The following FGD1 variants were observed in gnomAD, a reference collection of about 807,000 sequenced individuals.
FGD1 encodes the protein FYVE, RhoGEF and PH domain-containing protein 1.
In FGD1, 12 loss-of-function variants were observed where a neutral mutation model predicts 65.0. The ratio of observed to expected loss-of-function variants is 0.18; its 90% CI spans 0.12 to 0.30. The LOEUF is 0.30. Ranked by LOEUF, FGD1 falls within the 10% of genes least tolerant of loss-of-function variation. FGD1 has a pLI of 1.00. For synonymous variants in FGD1, 333 were observed against 343.9 expected (o/e 0.97, Z 0.35); for missense variants, 542 against 837.6 (o/e 0.65, Z 4.36).
intron 17 of FGD1, among the ~76,000 whole-genome samples, chrX:54,446,950 C>T (rs1289829089): frequency 2.7e-5 from 3 of 110,671 alleles, no homozygotes; most frequent in African/African-American, 9.9e-5. Flanking sequence ...TCTTGAACTC[C>T]TGATCTCAGG....
chrX:54,494,402 C>CTTTTTT (rs56235590), intron 1 of FGD1, among the ~76,000 whole-genome samples: 5 of 60,726 alleles, frequency 8.2e-5, no homozygotes, highest in African/African-American at 2.2e-4. Flanking sequence ...CACCGTCTTT[C>CTTTTTT]TTTTTTTTTT....
chrX:54,477,987 A>G (rs1923057240), intron 1 of FGD1, among the ~76,000 whole-genome samples: 1 of 108,874 alleles, frequency 9.2e-6, no homozygotes, highest in Admixed American at 9.8e-5. Flanking sequence ...GCATGGTGGC[A>G]GGCGCCTGTA....
At chrX:54,455,086 T>C (rs1182946297) in intron 12 of FGD1, among the ~76,000 whole-genome samples, 1 of 112,896 alleles carries the variant, frequency 8.9e-6, no homozygotes, top group African/African-American at 3.2e-5. Context: ...CTTAGATCTG[T>C]GAATCTACAA....
chrX:54,450,368 A>C, intron 12 of FGD1, 67 bp from the exon 13 acceptor site: 1 of 1,067,805 alleles, frequency 9.4e-7, no homozygotes, highest in Non-Finnish European at 1.3e-6. Flanking sequence ...ATAGGAGTGG[A>C]AGAGCAGGTG....
At position 54,470,770 on chromosome X, in the gene FGD1, C is replaced by T. The variant is rs146783766; in HGVS notation, c.482-10G>A. 7.1e-4 allele frequency: 735 copies of T among 1,042,493 alleles called. 12 individuals are homozygous for T. In the East Asian group the frequency reaches 0.019, roughly 27 times the overall value. 85.9% of individuals were successfully genotyped at this position (1,042,493 alleles called of 1,213,427 possible). On this transcript the variant is annotated splice_polypyrimidine_tract_variant and intron_variant, in intron 2 of 17. Transcript: ENST00000375135. The stretch of plus-strand genomic sequence containing the variant: ...CTGGGCTTTGGGGGCACTGGAGAGA[C>T]GAATGGGGAAGAGAGAAGGGAGACA...
At chrX:54,484,609 A>G (rs1923230339) in intron 1 of FGD1, among the ~76,000 whole-genome samples, 1 of 105,977 alleles carries the variant, frequency 9.4e-6, no homozygotes, top group Admixed American at 1.0e-4. Context: ...ACAGTGAACC[A>G]ATAGCAGAGC....
intron 8 of FGD1, among the ~76,000 whole-genome samples, chrX:54,461,824 T>C (rs1429592833): frequency 9.2e-6 from 1 of 108,393 alleles, no homozygotes; most frequent in Non-Finnish European, 1.9e-5. Context: ...TCTTTTAAGT[T>C]CAGGCTGAAA....
intron 1 of FGD1, among the ~76,000 whole-genome samples, chrX:54,482,236 G>GCGCGCGCGCACACACACACA (rs796491256): frequency 1.0e-5 from 1 of 99,367 alleles, no homozygotes; most frequent in African/African-American, 3.9e-5. Flanking sequence ...GCACACGCGC[G>GCGCGCGCGCACACACACACA]CACACACACA....
intron 1 of FGD1, among the ~76,000 whole-genome samples, chrX:54,486,725 A>T (rs998293440): frequency 1.9e-5 from 2 of 102,867 alleles, no homozygotes; most frequent in African/African-American, 7.0e-5. Context: ...ATGGTGGCTC[A>T]TGCTTGTAAT....
rs1433386330 is a variant in FGD1, at chrX:54,446,334, C to T, written c.2661G>A (p.Arg887=). 2.5e-6 allele frequency: 3 copies of T among 1,211,186 alleles called. No homozygotes were observed. The highest frequency in any genetic ancestry group is 1.8e-5 in the South Asian group (1 of 56,701). The change falls in exon 18 of 18, where the codon AGG becomes AGA. Residue 887 remains arginine (R), a synonymous_variant. Coordinates refer to ENST00000375135, the MANE Select transcript of FGD1 (RefSeq NM_004463.3). The stretch of plus-strand genomic sequence containing the variant: ...GGCTCTGGGTGATCTTGAAGACATG[C>T]CTTCTGTCAGGCCGCTCCCCTGCCT... The part of the protein sequence containing the change: ...PPEAGERPDR[R]HVFKITQSHL...
At chrX:54,447,505 T>C (rs1443033021) in intron 16 of FGD1, 51 bp from the exon 17 acceptor site, 1 of 1,158,787 alleles carries the variant, frequency 8.6e-7, no homozygotes, top group Non-Finnish European at 1.2e-6. Flanking sequence ...CTAGCCTGGC[T>C]CCTCCTAGCT....
chrX:54,448,657 C>T, intron 16 of FGD1, 149 bp downstream of exon 16: 1 of 506,981 alleles, frequency 2.0e-6, no homozygotes, highest in Non-Finnish European at 3.3e-6. Flanking sequence ...GACTGTCTTT[C>T]ATTCACTCTT....
At position 54,495,327 on chromosome X, in the gene FGD1, C is replaced by T. The variant is rs762821012; in HGVS notation, c.106G>A (p.Gly36Arg). Reference protein sequence around the residue: ...APPACADSDPGASEPGLLARR... With the variant: ...APPACADSDPRASEPGLLARR... ...GCCAGCAGTCCGGGTTCCGAGGCTC[C>T]AGGGTCCGAGTCGGCACAGGCCGGC... Residue 36 changes from glycine (G) to arginine (R), a missense_variant, in exon 1 of 18, where the codon GGA (glycine) becomes AGA (arginine). Transcript: ENST00000375135. 11 of 1,166,088 alleles carry T rather than the reference C, an allele frequency of 9.4e-6. No individual in the cohort carries two copies. The highest frequency in any genetic ancestry group is 1.1e-5 in the Non-Finnish European group (10 of 875,387).
At chrX:54,493,427 T>C (rs1923458173) in intron 1 of FGD1, among the ~76,000 whole-genome samples, 1 of 111,496 alleles carries the variant, frequency 9.0e-6, no homozygotes, top group South Asian at 3.7e-4. Context: ...TAATTTCAGA[T>C]TGTACTAAGT....
At chrX:54,460,153 A>G (rs776689247) in intron 8 of FGD1, among the ~76,000 whole-genome samples, 1 of 110,237 alleles carries the variant, frequency 9.1e-6, no homozygotes, top group African/African-American at 3.3e-5. Context: ...TAATAAAAAA[A>G]AATAAAAGGC....
intron 8 of FGD1, among the ~76,000 whole-genome samples, chrX:54,459,309 G>A (rs1367753972): frequency 9.0e-6 from 1 of 111,659 alleles, no homozygotes; most frequent in East Asian, 2.8e-4. Flanking sequence ...TCAGTGTGGG[G>A]ATTTCAGTCT....
intron 8 of FGD1, among the ~76,000 whole-genome samples, chrX:54,457,800 G>A (rs768526469): frequency 9.5e-6 from 1 of 105,688 alleles, no homozygotes; most frequent in Admixed American, 1.0e-4. Context: ...TTCCTATAGT[G>A]ACCAGGTATC....
chrX:54,479,895 G>GC (rs1923106351), intron 1 of FGD1, among the ~76,000 whole-genome samples: 1 of 111,613 alleles, frequency 9.0e-6, no homozygotes, highest in African/African-American at 3.3e-5. Flanking sequence ...CACCCAGGCT[G>GC]CCTGACCTGG....
At chrX:54,493,577 G>C (rs1445435793) in intron 1 of FGD1, among the ~76,000 whole-genome samples, 2 of 111,931 alleles carry the variant, frequency 1.8e-5, no homozygotes, top group Non-Finnish European at 3.8e-5. Flanking sequence ...TGGAGGGCTA[G>C]GGGAAGAGCT....
Sources: allele counts gnomAD v4.1 joint callset (sites outside exome capture counted in the v4.1 genomes callset), GRCh38; gene constraint gnomAD v4.1.1; transcripts MANE v1.5; gene names NCBI Gene and HGNC (gene_info 2026-07-23, HGNC 2026-07-21).